The following POFUT4 variants were observed in gnomAD, a reference collection of about 807,000 sequenced individuals.
The protein encoded by POFUT4 is GDP-fucose protein O-fucosyltransferase 4.
At chr10:73,777,099 G>T in the POFUT4 span, among the ~76,000 whole-genome samples, 1 of 152,146 alleles carries the variant, frequency 6.6e-6, no homozygotes, top group Non-Finnish European at 1.5e-5. Flanking sequence ...CATTTATGGT[G>T]TATCTGGGAT....
the POFUT4 span, chr10:73,776,338 C>T: frequency 6.6e-6 from 1 of 151,844 alleles, no homozygotes; most frequent in Non-Finnish European, 1.5e-5. Flanking sequence ...CCTTGACCTC[C>T]CAGAGTGCTG....
chr10:73,772,352 A>T, the POFUT4 span: 2 of 1,479,360 alleles, frequency 1.4e-6, no homozygotes, highest in South Asian at 1.4e-5. Context: ...CGGCCCCATT[A>T]GGGTGGTGTT....
At chr10:73,773,497 T>C in the POFUT4 span, 1 of 1,614,212 alleles carries the variant, frequency 6.2e-7, no homozygotes, top group African/African-American at 1.3e-5. Context: ...TTTATTGACT[T>C]TCTGGACAAG....
At chr10:73,778,795 G>C in the POFUT4 span, 1 of 152,106 alleles carries the variant, frequency 6.6e-6, no homozygotes, top group African/African-American at 2.4e-5. Context: ...ATAAATTACA[G>C]AAAGTTTGCT....
chr10:73,775,585 A>AG, the POFUT4 span: 1 of 1,614,228 alleles, frequency 6.2e-7, no homozygotes, highest in Non-Finnish European at 8.5e-7. Flanking sequence ...GGTCTGGACC[A>AG]GGGGGAAGCT....
the POFUT4 span, chr10:73,773,199 T>C: frequency 4.3e-6 from 7 of 1,610,260 alleles, no homozygotes; most frequent in South Asian, 1.1e-5. Context: ...GGTAGACTCC[T>C]ACGGGAAATG....
At chr10:73,773,979 T>C in the POFUT4 span, 1 of 686,956 alleles carries the variant, frequency 1.5e-6, no homozygotes, top group Non-Finnish European at 2.3e-6. Context: ...TAAGACAAGC[T>C]GAAAAAGCTG....
chr10:73,772,695 TCTTCTACGGCACAGA>T, the POFUT4 span: 1 of 1,574,458 alleles, frequency 6.4e-7, no homozygotes, highest in Admixed American at 1.8e-5. Context: ...CGCGCGCTGC[TCTTCTACGGCACAGA>T]CTTCCGCGCG....
the POFUT4 span, chr10:73,773,765 A>C: frequency 6.2e-7 from 1 of 1,606,042 alleles, no homozygotes; most frequent in Non-Finnish European, 8.5e-7. Flanking sequence ...TGGACTGCCC[A>C]GTGCCCACAC....
the POFUT4 span, chr10:73,772,962 C>T: frequency 5.0e-6 from 8 of 1,605,230 alleles, no homozygotes; most frequent in Non-Finnish European, 6.8e-6. Flanking sequence ...GGCTACGCGC[C>T]GCTGCTCTAT....
At chr10:73,775,318 G>T in the POFUT4 span, 1 of 1,093,192 alleles carries the variant, frequency 9.1e-7, no homozygotes, top group Non-Finnish European at 1.3e-6. Context: ...GTCAGGAATC[G>T]TAATTGATTG....
At chr10:73,773,288 T>C in the POFUT4 span, 1 of 1,614,042 alleles carries the variant, frequency 6.2e-7, no homozygotes, top group Non-Finnish European at 8.5e-7. Context: ...AGCTCTTGGC[T>C]TTCTTGTCCC....
At chr10:73,772,421 A>G in the POFUT4 span, 1 of 1,570,984 alleles carries the variant, frequency 6.4e-7, no homozygotes, top group Non-Finnish European at 8.6e-7. Context: ...CGTAGCGGAG[A>G]GGGAGGCCGG....
the POFUT4 span, chr10:73,773,413 T>C: frequency 6.2e-7 from 1 of 1,614,186 alleles, no homozygotes. Flanking sequence ...TCTCCCTCTG[T>C]GAGGGACTGG....
chr10:73,772,998 C>A, the POFUT4 span: 1 of 1,591,050 alleles, frequency 6.3e-7, no homozygotes, highest in East Asian at 2.2e-5. Context: ...GACGTGCCAG[C>A]GGACCGGGAC....
At chr10:73,773,847 A>G in the POFUT4 span, 8 of 1,520,036 alleles carry the variant, frequency 5.3e-6, no homozygotes, top group Admixed American at 6.5e-5. Context: ...GCAGCTATCA[A>G]ATCATTTACT....
the POFUT4 span, chr10:73,775,958 CAG>C: frequency 9.1e-6 from 4 of 440,890 alleles, no homozygotes; most frequent in East Asian, 1.5e-4. Context: ...GCTGGTCCAA[CAG>C]AGTTTTTAAA....
the POFUT4 span, chr10:73,773,198 C>T: frequency 1.9e-6 from 3 of 1,609,988 alleles, no homozygotes; most frequent in African/African-American, 1.3e-5. Context: ...AGGTAGACTC[C>T]TACGGGAAAT....
chr10:73,772,502 G>C, the POFUT4 span: 2 of 1,561,134 alleles, frequency 1.3e-6, no homozygotes, highest in African/African-American at 1.4e-5. Context: ...GGGCGCAGTG[G>C]GGGTGACGCG....
Sources: gnomAD v4.1 joint callset for allele counts (sites outside exome capture counted in the v4.1 genomes callset) on GRCh38, gnomAD v4.1.1 for gene constraint, MANE v1.5 for transcripts, NCBI Gene and HGNC (gene_info 2026-07-23, HGNC 2026-07-21) for gene names.